SLC26A5: variants seen among roughly 807,000 people sequenced by gnomAD.
SLC26A5 encodes the protein prestin.
A neutral mutation model predicts 81.0 loss-of-function variants in SLC26A5; 51 were observed. The observed-to-expected ratio is 0.63, with a 90% CI of 0.50 to 0.80. The LOEUF is 0.80. SLC26A5 is among the 30% of genes least tolerant of loss of function. The probability of loss-of-function intolerance (pLI) is 0.00; values close to 1 mark genes in which losing one functional copy is unlikely to be tolerated. For missense variants in SLC26A5, 771 were observed against 905.8 expected (o/e 0.85, Z 1.91); for synonymous variants, 325 against 332.8 (o/e 0.98, Z 0.25).
chr7:103,443,379 AATTATAT>A (rs1185277672), intron 1 of SLC26A5, among the ~76,000 whole-genome samples, 168 bp from the exon 2 acceptor site: 1 of 152,132 alleles, frequency 6.6e-6, no homozygotes, highest in Non-Finnish European at 1.5e-5. Flanking sequence ...GCGATAGACT[AATTATAT>A]ATAATTATAT....
rs975465491 is a variant in SLC26A5, at chr7:103,382,498, C to T, written c.1515-1949G>A. ...CCAAGCAGCTGGGATTACAGTTGTG[C>T]GCCACCATGCCCAGCTAATTTTTGT... On this transcript the variant is annotated intron_variant, in intron 14 of 19. Transcript: ENST00000306312. Among the ~76,000 whole-genome samples the T allele has an allele frequency of 6.6e-5, 10 of 151,712 alleles. No homozygotes were observed. In the South Asian group the frequency reaches 8.3e-4, roughly 13 times the overall value.
chr7:103,426,851 G>A (rs1233312851), intron 2 of SLC26A5, among the ~76,000 whole-genome samples: 3 of 152,262 alleles, frequency 2.0e-5, no homozygotes, highest in Middle Eastern at 3.4e-3. Flanking sequence ...TGAGCTTCCA[G>A]TGTGCTGATT....
chr7:103,398,819 T>A (rs1400027820), intron 8 of SLC26A5, among the ~76,000 whole-genome samples: 2 of 152,086 alleles, frequency 1.3e-5, no homozygotes, highest in African/African-American at 4.8e-5. Flanking sequence ...AATAAACTTA[T>A]TATCAGAAAC....
chr7:103,362,509 TA>T, intron 19 of SLC26A5: 1 of 1,414,612 alleles, frequency 7.1e-7, no homozygotes, highest in Non-Finnish European at 9.2e-7. Context: ...TTTGCGACAT[TA>T]GACATGTAGT....
rs757765693 is a variant in SLC26A5 at position 103,391,705 on chromosome 7, T to C, written c.1150A>G (p.Ile384Val). ...ELIALGLCNS[I>V]GSLFQTFSIS... ...GAAAAGGTCTGGAAGAGTGAGCCAA[T>C]GGAATTGCACAGTCCCAGGGCAATG... is the stretch of plus-strand genomic sequence containing the variant. Residue 384 changes from isoleucine to valine, a missense_variant, in exon 11 of 20, where the codon ATT becomes GTT. By Grantham distance (29) the Ile-to-Val change is conservative (BLOSUM62 3). Coordinates refer to ENST00000306312, the MANE Select transcript of SLC26A5 (RefSeq NM_198999.3). The C allele has an allele frequency of 4.3e-6, 7 of 1,614,004 alleles. No individual in the cohort carries two copies. The South Asian group carries it at 7.7e-5, about 18-fold the overall frequency.
At chr7:103,372,890 A>AC (rs201733627), downstream of SLC26A5, among the ~76,000 whole-genome samples, 554 of 151,872 alleles carry the variant, frequency 3.6e-3, 3 homozygotes, top group Admixed American at 5.5e-3. Flanking sequence ...AAAAAAAAAA[A>AC]AAAACACTAA....
intron 16 of SLC26A5, 44 bp downstream of exon 16, chr7:103,379,199 C>T: frequency 7.2e-7 from 1 of 1,396,668 alleles, no homozygotes; most frequent in Non-Finnish European, 1.0e-6. Context: ...CCCTGTCAAC[C>T]CACAAATCCC....
chr7:103,397,076 C>A (rs1823167992), intron 9 of SLC26A5, among the ~76,000 whole-genome samples: 3 of 137,918 alleles, frequency 2.2e-5, no homozygotes, highest in African/African-American at 8.1e-5. Context: ...GCCTGGGCAA[C>A]AGAGTGAGAC....
chr7:103,377,650 A>G lies in SLC26A5; in HGVS notation c.1935T>C (p.Asp645=). ...PGDNVHTVIL[D]FTQVNFIDSV... is the part of the protein sequence containing the mutation. ...AATCAATAAAATTGACTTGAGTGAAATCCAAAATGACAGTGTGGACGTTAT... is the reference window on the plus strand; with the variant it reads ...AATCAATAAAATTGACTTGAGTGAAGTCCAAAATGACAGTGTGGACGTTAT... The change falls in exon 18 of 20, where the codon GAT becomes GAC. Residue 645 remains aspartate, a synonymous_variant. Coordinates refer to ENST00000306312, the MANE Select transcript of SLC26A5 (RefSeq NM_198999.3). The G allele has an allele frequency of 6.2e-7, 1 of 1,614,118 alleles. No individual in the cohort carries two copies. Among genetic ancestry groups the G allele is most frequent in the Non-Finnish European group, 8.5e-7 (1 of 1,180,008 alleles).
rs201746080 is a variant in SLC26A5 at position 103,367,776 on chromosome 7, G to C, written c.2041+9032C>G. 6.2e-7 allele frequency: 1 copy of C among 1,613,924 alleles called. No homozygotes were observed. Among genetic ancestry groups the C allele is most frequent in the Non-Finnish European group, 8.5e-7 (1 of 1,179,940 alleles). On this transcript the variant is annotated intron_variant, in intron 19 of 19. Transcript: ENST00000339444. This position sits in a 1 kb window ranked among gnomAD's most constrained non-coding sequence, Gnocchi z 6.1. ...GAGTGTTGAAAGAGATATCAGATTT[G>C]AACTGTTAGCACGACTGTGTCCAAA...
intron 19 of SLC26A5, chr7:103,362,242 C>T (rs1820454612): frequency 2.1e-6 from 3 of 1,436,542 alleles, no homozygotes; most frequent in Non-Finnish European, 2.7e-6. Flanking sequence ...CTGTCTTCTG[C>T]ATCTGCTTCC....
chr7:103,441,415 A>G (rs577123825), intron 2 of SLC26A5, among the ~76,000 whole-genome samples: 1 of 152,328 alleles, frequency 6.6e-6, no homozygotes, highest in African/African-American at 2.4e-5. Flanking sequence ...AGAATTTACA[A>G]TGTAATGGCA....
chr7:103,412,309 T>C (rs1370536391), intron 5 of SLC26A5, among the ~76,000 whole-genome samples: 1 of 152,132 alleles, frequency 6.6e-6, no homozygotes, highest in Admixed American at 6.6e-5. Context: ...ATATGTACAA[T>C]TCAGAGCCCA....
rs1825355348 is a variant in SLC26A5, at chr7:103,421,559, T to C, written c.-45A>G. On this transcript the variant is annotated 5_prime_UTR_variant, in exon 3 of 20. Coordinates refer to ENST00000306312, the MANE Select transcript of SLC26A5 (RefSeq NM_198999.3). ...TTAACAGCCGGAGACAAGCATTTCC[T>C]GAGTGTCACTAGGGGAAAAAAGAAA... 2 of 1,601,362 alleles carry C rather than the reference T, an allele frequency of 1.2e-6. No homozygotes were observed. Among genetic ancestry groups the C allele is most frequent in the South Asian group, 1.1e-5 (1 of 90,900 alleles).
chr7:103,403,695 C>CTT (rs561652280), intron 8 of SLC26A5, among the ~76,000 whole-genome samples: 2,533 of 128,508 alleles, frequency 0.02, 82 homozygotes, highest in African/African-American at 0.07. Flanking sequence ...CAATCCCCTG[C>CTT]TTTTTTTTTT....
chr7:103,424,159 T>C (rs1825554761), intron 2 of SLC26A5, among the ~76,000 whole-genome samples: 1 of 152,136 alleles, frequency 6.6e-6, no homozygotes, highest in Non-Finnish European at 1.5e-5. Context: ...GAGATGTTGT[T>C]GCTTTCCCTT....
chr7:103,422,343 T>C (rs1353012637), intron 2 of SLC26A5, among the ~76,000 whole-genome samples: 1 of 152,242 alleles, frequency 6.6e-6, no homozygotes, highest in East Asian at 1.9e-4. Context: ...TATTCATAAA[T>C]TTAATTCTAT....
At chr7:103,430,918 C>T (rs1826035203) in intron 2 of SLC26A5, among the ~76,000 whole-genome samples, 1 of 152,200 alleles carries the variant, frequency 6.6e-6, no homozygotes, top group Admixed American at 6.5e-5. Context: ...ATCACTCTAC[C>T]ACGGATAAAT....
chr7:103,395,086 C>T (rs954330780), intron 9 of SLC26A5, among the ~76,000 whole-genome samples: 2 of 152,274 alleles, frequency 1.3e-5, no homozygotes, highest in African/African-American at 4.8e-5. Context: ...CATAACAAAC[C>T]CCAAGTGAGA....
Sources: gnomAD v4.1 joint callset for allele counts (sites outside exome capture counted in the v4.1 genomes callset) on GRCh38, gnomAD v4.1.1 for gene constraint, Gnocchi (gnomAD v3.1) non-coding constraint, MANE v1.5 for transcripts, NCBI Gene and HGNC (gene_info 2026-07-23, HGNC 2026-07-21) for gene names.